The following MOXD1 variants were observed in gnomAD, a reference collection of about 807,000 sequenced individuals.
MOXD1 encodes DBH-like monooxygenase protein 1.
Under a neutral mutation model 66.6 loss-of-function variants are expected in MOXD1, and 62 were observed. That is an observed-to-expected ratio of 0.93 (90% confidence interval 0.76 to 1.15). MOXD1 has a LOEUF of 1.15. Ranked by LOEUF, MOXD1 falls within the 50% of genes most tolerant of loss-of-function variation. The probability of loss-of-function intolerance (pLI) is 0.00; values close to 1 mark genes in which losing one functional copy is unlikely to be tolerated. For missense variants in MOXD1, 847 were observed against 754.6 expected, an observed-to-expected ratio of 1.12 and a Z score of -1.44; for synonymous variants, 303 against 281.9, an observed-to-expected ratio of 1.07 and a Z score of -0.75.
intron 4 of MOXD1, among the ~76,000 whole-genome samples, chr6:132,350,528 T>C (rs534968509): frequency 1.6e-4 from 24 of 152,062 alleles, no homozygotes; most frequent in African/African-American, 5.5e-4. Flanking sequence ...GTGACTATGG[T>C]CTTATAGTTT....
At chr6:132,357,337 A>G (rs942228801) in intron 4 of MOXD1, among the ~76,000 whole-genome samples, 1 of 152,138 alleles carries the variant, frequency 6.6e-6, no homozygotes, top group Non-Finnish European at 1.5e-5. Context: ...TTTCCTGTTT[A>G]CCACTGAAAA....
chr6:132,379,676 T>C (rs1314234773), intron 1 of MOXD1, among the ~76,000 whole-genome samples: 3 of 152,236 alleles, frequency 2.0e-5, no homozygotes, highest in African/African-American at 7.2e-5. Flanking sequence ...GTATCACATA[T>C]TCAAAAGTAT....
At chr6:132,314,807 T>C (rs947810986) in intron 10 of MOXD1, among the ~76,000 whole-genome samples, 32 of 152,222 alleles carry the variant, frequency 2.1e-4, no homozygotes, top group Non-Finnish European at 7.3e-5. Flanking sequence ...ATATCTTTTT[T>C]TGTTTATTAC....
chr6:132,397,954 T>G (rs1306173464), intron 1 of MOXD1, among the ~76,000 whole-genome samples: 1 of 152,198 alleles, frequency 6.6e-6, no homozygotes, highest in African/African-American at 2.4e-5. Context: ...CACACAGAGA[T>G]TGCATAGTGG....
chr6:132,367,105 T>C (rs1475262121), intron 4 of MOXD1, among the ~76,000 whole-genome samples: 1 of 152,056 alleles, frequency 6.6e-6, no homozygotes, highest in Non-Finnish European at 1.5e-5. Flanking sequence ...AAGAGGATGA[T>C]GACAGTGTTT....
At chr6:132,394,969 T>G (rs1040342086) in intron 1 of MOXD1, among the ~76,000 whole-genome samples, 2 of 152,120 alleles carry the variant, frequency 1.3e-5, no homozygotes, top group African/African-American at 4.8e-5. Context: ...GTTCTCCATA[T>G]AGATACAATT....
intron 4 of MOXD1, among the ~76,000 whole-genome samples, chr6:132,329,159 C>T (rs934674791): frequency 6.6e-6 from 1 of 152,164 alleles, no homozygotes; most frequent in African/African-American, 2.4e-5. Context: ...GTTCTCCACC[C>T]TGTGTCCAAG....
intron 4 of MOXD1, among the ~76,000 whole-genome samples, chr6:132,337,461 T>C (rs1033449959): frequency 1.8e-4 from 28 of 152,252 alleles, no homozygotes; most frequent in Admixed American, 1.6e-3. Flanking sequence ...TGAAGAGTAA[T>C]ATGTTGGGAG....
At chr6:132,388,760 T>C (rs923827639) in intron 1 of MOXD1, among the ~76,000 whole-genome samples, 10 of 151,444 alleles carry the variant, frequency 6.6e-5, no homozygotes, top group African/African-American at 2.4e-4. Context: ...ATACTTCTCT[T>C]GGCTTAAATA....
At position 132,333,335 on chromosome 6, in the gene MOXD1, C is replaced by CAAAAA. The variant is rs35163669; in HGVS notation, c.664-4746_664-4742dup. Reference sequence around the variant, plus strand: ...TGGGCTACAGAGTGAGACTCCGTCTCAAAAAAAAAAAAAAAAAAAAATACT... The same window carrying CAAAAA: ...TGGGCTACAGAGTGAGACTCCGTCTCAAAAAAAAAAAAAAAAAAAAAAAAAATACT... On this transcript the variant is annotated intron_variant, in intron 4 of 11. Coordinates refer to ENST00000367963, the MANE Select transcript of MOXD1 (RefSeq NM_015529.4). Among the ~76,000 whole-genome samples, 11 of 72,424 alleles carry CAAAAA rather than the reference C, an allele frequency of 1.5e-4. 1 individual carries two copies. Among genetic ancestry groups the CAAAAA allele is most frequent in the African/African-American group, 4.0e-4 (8 of 19,876 alleles). The allele number at this position is 72,424 out of a possible 152,430, so 47.5% of individuals were successfully genotyped here. A position where few individuals can be genotyped will look rare whatever the true frequency, so the allele number is the denominator to read the frequency against.
chr6:132,308,046 G>GA (rs532403340), intron 10 of MOXD1, among the ~76,000 whole-genome samples: 1 of 143,678 alleles, frequency 7.0e-6, no homozygotes, highest in East Asian at 2.1e-4. Flanking sequence ...ATAGAAACAG[G>GA]AAAAACTCTC....
At chr6:132,336,288 T>A (rs1775437252) in intron 4 of MOXD1, among the ~76,000 whole-genome samples, 1 of 152,204 alleles carries the variant, frequency 6.6e-6, no homozygotes, top group South Asian at 2.1e-4. Context: ...GAGGCACAAG[T>A]TGCTGCCCAC....
rs943538538 is a variant in MOXD1 at position 132,296,948 on chromosome 6, A to G, written c.*205T>C. 3 of 473,414 alleles carry G rather than the reference A, an allele frequency of 6.3e-6. No homozygotes were observed. In the East Asian group the frequency reaches 9.5e-5, roughly 15 times the overall value. 29.3% of individuals were successfully genotyped at this position (473,414 alleles called of 1,614,324 possible). A position where few individuals can be genotyped will look rare whatever the true frequency, so the allele number is the denominator to read the frequency against. On this transcript the variant is annotated 3_prime_UTR_variant, in exon 12 of 12. Coordinates refer to ENST00000367963, the MANE Select transcript of MOXD1 (RefSeq NM_015529.4). ...GCCAGTTTTATTTTATTGACCATGTATATATAACATCAGATATTTCTAAGA... is the reference window on the plus strand; with the variant it reads ...GCCAGTTTTATTTTATTGACCATGTGTATATAACATCAGATATTTCTAAGA...
intron 10 of MOXD1, among the ~76,000 whole-genome samples, chr6:132,300,289 T>A (rs1275860053): frequency 6.6e-6 from 1 of 152,102 alleles, no homozygotes; most frequent in Admixed American, 6.6e-5. Context: ...AGAGACACAA[T>A]CCAGAATTAG....
intron 9 of MOXD1, among the ~76,000 whole-genome samples, chr6:132,319,864 T>C (rs1193343131): frequency 1.3e-5 from 2 of 152,178 alleles, no homozygotes; most frequent in African/African-American, 4.8e-5. Context: ...TAAACTTGAA[T>C]TTAATGAATG....
chr6:132,331,174 C>T (rs550904650), intron 4 of MOXD1, among the ~76,000 whole-genome samples: 47 of 152,168 alleles, frequency 3.1e-4, no homozygotes, highest in African/African-American at 1.1e-3. Flanking sequence ...TGAGACTTGA[C>T]GTTTTTGGGT....
rs535821054 is a variant in MOXD1 at position 132,320,932 on chromosome 6, C to T, written c.1306-244G>A. ...CTAGCTGGATGAACTACATATAACC[C>T]AGGCACAATTTGTTCATTTAAAACC... is the stretch of plus-strand genomic sequence containing the variant. On this transcript the variant is annotated intron_variant, in intron 8 of 11. Coordinates refer to ENST00000367963, the MANE Select transcript of MOXD1 (RefSeq NM_015529.4). Among the ~76,000 whole-genome samples the T allele has an allele frequency of 2.6e-5, 4 of 152,266 alleles. No homozygotes were observed. The South Asian group carries it at 8.3e-4, about 32-fold the overall frequency.
chr6:132,315,773 C>G lies in MOXD1; in HGVS notation c.1370G>C (p.Gly457Ala). ...ACACATTTCACTCCTGGTGCTTAGT[C>G]CTCCCTGAAAACAGATAGTTTATTT... is the stretch of plus-strand genomic sequence containing the variant. ...TKDRAEMTWG[G>A]LSTRSEMCLS... Residue 457 changes from glycine (G) to alanine (A), a missense_variant, in exon 10 of 12, where the codon GGA (glycine) becomes GCA (alanine). By Grantham distance (60) the Gly-to-Ala change is moderately conservative. Coordinates refer to ENST00000367963, the MANE Select transcript of MOXD1 (RefSeq NM_015529.4). 6.2e-7 allele frequency: 1 copy of G among 1,613,064 alleles called. No homozygotes were observed. The highest frequency in any genetic ancestry group is 8.5e-7 in the Non-Finnish European group (1 of 1,179,486).
intron 1 of MOXD1, chr6:132,391,409 G>T (rs1009540804): frequency 2.0e-5 from 3 of 151,970 alleles, no homozygotes; most frequent in African/African-American, 7.3e-5. Flanking sequence ...ACATTTTTGC[G>T]TATATGCTAT....
Sources: gnomAD v4.1 joint callset for allele counts (sites outside exome capture counted in the v4.1 genomes callset) on GRCh38, gnomAD v4.1.1 for gene constraint, MANE v1.5 for transcripts, NCBI Gene and HGNC (gene_info 2026-07-23, HGNC 2026-07-21) for gene names.